TNPO3: variants seen among roughly 807,000 people sequenced by gnomAD.
TNPO3 encodes transportin 3, also known as transportin-3.
In TNPO3, 65 loss-of-function variants were observed where a neutral mutation model predicts 122.8. That is an observed-to-expected ratio of 0.53 (90% CI 0.43 to 0.65). TNPO3 has a LOEUF of 0.65. Ranked by LOEUF, TNPO3 falls within the 30% of genes least tolerant of loss-of-function variation. The pLI, the probability that TNPO3 is intolerant of heterozygous loss-of-function variation, is 0.00. For synonymous variants in TNPO3, 372 were observed against 411.2 expected, an observed-to-expected ratio of 0.90 and a Z score of 1.15; for missense variants, 850 against 1,136.7, an observed-to-expected ratio of 0.75 and a Z score of 3.63.
chr7:128,993,745 C>T, intron 9 of TNPO3, 62 bp downstream of exon 9: 2 of 1,370,818 alleles, frequency 1.5e-6, no homozygotes, highest in Non-Finnish European at 2.0e-6. Flanking sequence ...TCACAGAAGA[C>T]ACAGAAGTGA....
At chr7:128,994,630 C>T (rs1470870807) in intron 8 of TNPO3, among the ~76,000 whole-genome samples, 1 of 152,070 alleles carries the variant, frequency 6.6e-6, no homozygotes, top group East Asian at 1.9e-4. Flanking sequence ...AAATCAACCA[C>T]TGTCACAATA....
rs1286328675 is a variant in TNPO3 at position 129,054,859 on chromosome 7, GGGCCAC to G, written c.-95_-90del. On this transcript the variant is annotated 5_prime_UTR_variant, in exon 1 of 23. Coordinates refer to ENST00000265388, the MANE Select transcript of TNPO3 (RefSeq NM_012470.4). The stretch of plus-strand genomic sequence containing the variant: ...CCGCCTTCGCGCTTCCTCACTGTCT[GGGCCAC>G]GGCCGCTCCCTGACTGGCGCCATCT... 1.9e-6 allele frequency: 3 copies of G among 1,573,086 alleles called. No individual in the cohort carries two copies. Among genetic ancestry groups the G allele is most frequent in the Non-Finnish European group, 2.6e-6 (3 of 1,153,372 alleles).
At chr7:128,983,685 G>T (rs547500653) in intron 13 of TNPO3, among the ~76,000 whole-genome samples, 1 of 152,208 alleles carries the variant, frequency 6.6e-6, no homozygotes, top group South Asian at 2.1e-4. Context: ...TTAACCAACT[G>T]CAGATTAAAG....
chr7:129,020,390 C>T (rs1804345087), intron 1 of TNPO3, among the ~76,000 whole-genome samples: 1 of 152,134 alleles, frequency 6.6e-6, no homozygotes, highest in African/African-American at 2.4e-5. Flanking sequence ...CCCAAGCACA[C>T]CTATGATTTA....
intron 20 of TNPO3, among the ~76,000 whole-genome samples, chr7:128,969,591 A>G (rs1439728104): frequency 1.3e-5 from 2 of 152,218 alleles, no homozygotes; most frequent in Non-Finnish European, 2.9e-5. Context: ...GTGGCCCAGT[A>G]CTGAAATTAC....
At chr7:129,054,504 G>A (rs1809234124) in intron 1 of TNPO3, 147 bp downstream of exon 1, 4 of 1,292,824 alleles carry the variant, frequency 3.1e-6, no homozygotes, top group South Asian at 1.5e-5. Context: ...CGGCAAAGAT[G>A]TAGCTTCGCA....
intron 4 of TNPO3, among the ~76,000 whole-genome samples, chr7:129,007,122 C>G (rs1259942197): frequency 2.6e-5 from 4 of 152,236 alleles, no homozygotes; most frequent in African/African-American, 7.2e-5. Flanking sequence ...GTTTTAAGAG[C>G]TTTATATGTA....
At chr7:129,005,849 T>C (rs1356014090) in intron 4 of TNPO3, among the ~76,000 whole-genome samples, 1 of 149,472 alleles carries the variant, frequency 6.7e-6, no homozygotes, top group East Asian at 2.0e-4. Flanking sequence ...TGCCACAATC[T>C]CGGCTCGCTG....
chr7:129,002,657 A>G (rs1444115926), intron 5 of TNPO3, among the ~76,000 whole-genome samples: 5 of 152,094 alleles, frequency 3.3e-5, no homozygotes, highest in Non-Finnish European at 7.4e-5. Flanking sequence ...GGTGGCTCAC[A>G]CCTGTAATCC....
At chr7:128,969,166 A>G (rs753007559) in intron 20 of TNPO3, among the ~76,000 whole-genome samples, 5 of 152,244 alleles carry the variant, frequency 3.3e-5, no homozygotes, top group African/African-American at 7.2e-5. Context: ...TTAGATTTAC[A>G]TAAGTTTTCT....
intron 1 of TNPO3, among the ~76,000 whole-genome samples, chr7:129,053,709 G>C (rs764429733): frequency 6.6e-6 from 1 of 152,180 alleles, no homozygotes; most frequent in East Asian, 1.9e-4. Context: ...AAAGGTAAAG[G>C]TGAGTATTTT....
At chr7:129,025,248 G>A (rs920111336) in intron 1 of TNPO3, among the ~76,000 whole-genome samples, 3 of 150,594 alleles carry the variant, frequency 2.0e-5, no homozygotes, top group African/African-American at 2.4e-5. Context: ...TACTCAGGAG[G>A]CTGAGGCAGG....
rs750760846 is a variant in TNPO3 at position 128,975,806 on chromosome 7, A to G, written c.2178+13T>C. Reference sequence around the variant, plus strand: ...TAGGCCTGATGCGTCTACACTCCTCATGGAAAAGATACCTGGAGCATGTCT... The same window carrying G: ...TAGGCCTGATGCGTCTACACTCCTCGTGGAAAAGATACCTGGAGCATGTCT... On this transcript the variant is annotated intron_variant, in intron 17 of 22. Transcript: ENST00000265388. The G allele has an allele frequency of 5.0e-5, 79 of 1,573,512 alleles. No homozygotes were observed. Among genetic ancestry groups the G allele is most frequent in the Admixed American group, 3.8e-4 (23 of 59,948 alleles).
intron 13 of TNPO3, 84 bp downstream of exon 13, chr7:128,984,084 A>T: frequency 1.2e-6 from 1 of 801,312 alleles, no homozygotes; most frequent in Non-Finnish European, 1.8e-6. Flanking sequence ...TAGACAAAAG[A>T]TCTGTAAATA....
intron 1 of TNPO3, among the ~76,000 whole-genome samples, chr7:129,041,115 C>A (rs141384941): frequency 1.3e-5 from 2 of 152,112 alleles, no homozygotes; most frequent in Admixed American, 6.6e-5. Context: ...CTGTAATCCC[C>A]GAGCTTTCAG....
In TNPO3 at chr7:129,026,712, AT is replaced by A. The variant is rs561008357; in HGVS notation, c.121-8556del. Among the ~76,000 whole-genome samples the A allele has an allele frequency of 7.1e-3, 1,085 of 151,916 alleles. 9 individuals carry two copies. Among genetic ancestry groups the A allele is most frequent in the African/African-American group, 0.023 (955 of 41,444 alleles). On this transcript the variant is annotated intron_variant, in intron 1 of 22. Transcript: ENST00000265388. ...AGCCACTGCACCTGGCTGTTTGAATATTTTTAAAGTGTCTTTTGTAATTACC... is the reference window on the plus strand; with the variant it reads ...AGCCACTGCACCTGGCTGTTTGAATATTTTAAAGTGTCTTTTGTAATTACC...
At chr7:128,971,598 A>G (rs554368013) in intron 19 of TNPO3, among the ~76,000 whole-genome samples, 1 of 152,300 alleles carries the variant, frequency 6.6e-6, no homozygotes, top group South Asian at 2.1e-4. Flanking sequence ...TTACTTCTTC[A>G]CTGCTCTCCC....
intron 1 of TNPO3, among the ~76,000 whole-genome samples, chr7:129,052,318 C>T (rs939455778): frequency 2.0e-5 from 3 of 152,190 alleles, no homozygotes; most frequent in Non-Finnish European, 2.9e-5. Context: ...TATGTCCCTT[C>T]GGCTGAAAGT....
At chr7:129,007,407 G>A (rs1321881163) in intron 4 of TNPO3, among the ~76,000 whole-genome samples, 1 of 152,174 alleles carries the variant, frequency 6.6e-6, no homozygotes, top group Admixed American at 6.5e-5. Flanking sequence ...TAGGCAGACT[G>A]CAACAATAAT....
Sources: allele counts gnomAD v4.1 joint callset (sites outside exome capture counted in the v4.1 genomes callset), GRCh38; gene constraint gnomAD v4.1.1; transcripts MANE v1.5; gene names NCBI Gene and HGNC (gene_info 2026-07-23, HGNC 2026-07-21).